FAM178B: variants seen among roughly 807,000 people sequenced by gnomAD.
The protein encoded by FAM178B is protein FAM178B.
FAM178B carries 82 observed loss-of-function variants against 91.7 expected under a neutral mutation model. The ratio of observed to expected loss-of-function variants is 0.89; its 90% CI spans 0.75 to 1.07. The LOEUF is 1.07. Ranked by LOEUF, FAM178B falls within the 50% of genes least tolerant of loss-of-function variation. The probability of loss-of-function intolerance (pLI) is 0.00; values close to 1 mark genes in which losing one functional copy is unlikely to be tolerated. For synonymous variants in FAM178B, 368 were observed against 359.4 expected, an observed-to-expected ratio of 1.02 and a Z score of -0.27; for missense variants, 769 against 846.7, an observed-to-expected ratio of 0.91 and a Z score of 1.14.
intron 14 of FAM178B, among the ~76,000 whole-genome samples, chr2:96,880,186 A>C (rs576459294): frequency 1.3e-5 from 2 of 152,336 alleles, no homozygotes; most frequent in South Asian, 2.1e-4. Context: ...TACAACTTAG[A>C]GGCTTCAGGA....
At chr2:96,949,274 T>A (rs939548227) in intron 7 of FAM178B, among the ~76,000 whole-genome samples, 7 of 152,050 alleles carry the variant, frequency 4.6e-5, no homozygotes, top group Admixed American at 4.6e-4. Context: ...TCTGCCCCCC[T>A]CACCCACGCC....
At chr2:96,908,842 G>A (rs534285580) in intron 12 of FAM178B, among the ~76,000 whole-genome samples, 1 of 151,930 alleles carries the variant, frequency 6.6e-6, no homozygotes, top group South Asian at 2.1e-4. Flanking sequence ...AGAACCTCAG[G>A]CTTAGAAAAC....
chr2:96,926,621 TC>T (rs2081443731), intron 9 of FAM178B, among the ~76,000 whole-genome samples: 1 of 151,100 alleles, frequency 6.6e-6, no homozygotes, highest in Admixed American at 6.6e-5. Flanking sequence ...TGAAATGTCC[TC>T]CTGTTTCCCC....
At chr2:96,888,093 G>T (rs1341727306) in intron 14 of FAM178B, among the ~76,000 whole-genome samples, 2 of 152,270 alleles carry the variant, frequency 1.3e-5, no homozygotes, top group Non-Finnish European at 2.9e-5. Context: ...GGGATGCCCA[G>T]AAGTACTGGC....
intron 14 of FAM178B, among the ~76,000 whole-genome samples, chr2:96,892,247 T>C (rs949362838): frequency 3.3e-5 from 5 of 152,106 alleles, no homozygotes; most frequent in African/African-American, 1.2e-4. Context: ...CACACTTCTG[T>C]GCCCATGTAC....
Position 96,947,896 on chromosome 2 carries a change from T to C in FAM178B, c.1000A>G (p.Thr334Ala). 1 of 1,533,318 alleles carries C rather than the reference T, an allele frequency of 6.5e-7. No individual in the cohort carries two copies. Among genetic ancestry groups the C allele is most frequent in the Non-Finnish European group, 8.8e-7 (1 of 1,132,802 alleles). The allele number at this position is 1,533,318 out of a possible 1,614,324, so 95.0% of individuals were successfully genotyped here. The change falls in exon 8 of 17, where the codon ACA becomes GCA. Residue 334 changes from threonine to alanine, a missense_variant. Physicochemically the swap from Thr to Ala is moderately conservative, Grantham distance 58. Coordinates refer to ENST00000490605, the MANE Select transcript of FAM178B (RefSeq NM_001122646.3). ...SLLQWLFQLL[T>A]WPPETSLGAF... ...CCCAAAGATGTTTCTGGAGGCCATG[T>C]CAGCAGCTAGGTGGAAAAAAAAAAC...
intron 16 of FAM178B, chr2:96,877,654 C>T (rs1036487828): frequency 4.6e-5 from 24 of 521,336 alleles, no homozygotes; most frequent in South Asian, 1.5e-4. Flanking sequence ...CTCAGTCTCC[C>T]AAAGTGCTGG....
At chr2:96,884,820 T>C (rs1286391618) in intron 14 of FAM178B, among the ~76,000 whole-genome samples, 1 of 152,132 alleles carries the variant, frequency 6.6e-6, no homozygotes, top group East Asian at 1.9e-4. Context: ...CAGAGGGCGG[T>C]ATCGAAAGCT....
Position 96,947,067 on chromosome 2 carries a change from G to A in FAM178B, c.1078+751C>T, listed in dbSNP as rs540963047. Among the ~76,000 whole-genome samples the A allele has an allele frequency of 2.0e-5, 3 of 152,290 alleles. No homozygotes were observed. In the South Asian group the frequency reaches 6.2e-4, roughly 32 times the overall value. On this transcript the variant is annotated intron_variant, in intron 8 of 16. Transcript: ENST00000490605. ...AGCAGCCTACAGCTGGGGCAGAGGCGGGGTCTGACCACCTGGGAGTCCCTC... is the reference window on the plus strand; with the variant it reads ...AGCAGCCTACAGCTGGGGCAGAGGCAGGGTCTGACCACCTGGGAGTCCCTC...
chr2:96,939,866 C>T lies in FAM178B; in HGVS notation c.1078+7952G>A, dbSNP rs574147350. On this transcript the variant is annotated intron_variant, in intron 8 of 16. Coordinates refer to ENST00000490605, the MANE Select transcript of FAM178B (RefSeq NM_001122646.3). ...CAAGCCCTGGGCTTGGTGCCTAGCA[C>T]AAATTAAGCTCTCTGGAAATGTCAC... Among the ~76,000 whole-genome samples the T allele has an allele frequency of 2.6e-5, 4 of 152,192 alleles. No individual in the cohort carries two copies. The East Asian group carries it at 7.7e-4, about 29-fold the overall frequency.
chr2:96,970,966 C>T (rs1051290768), intron 3 of FAM178B, among the ~76,000 whole-genome samples, 189 bp from the exon 4 acceptor site: 1 of 151,952 alleles, frequency 6.6e-6, no homozygotes, highest in South Asian at 2.1e-4. Context: ...CCCATCCCCA[C>T]CCCCAGCCAC....
Position 96,972,022 on chromosome 2 carries a change from C to T in FAM178B, c.443G>A (p.Gly148Asp). The change falls in exon 3 of 17, where the codon GGT becomes GAT. Residue 148 changes from glycine (G) to aspartate (D), a missense_variant. Coordinates refer to ENST00000490605, the MANE Select transcript of FAM178B (RefSeq NM_001122646.3). ...CTGCTCCAACTCCTCGGGCAGCTCA[C>T]CAGCCAGTCTCCTCAGGCCCTGGGG... ...VGPQGLRRLA[G>D]ELPEELEQEH... The T allele has an allele frequency of 6.4e-7, 1 of 1,553,802 alleles. No homozygotes were observed. The highest frequency in any genetic ancestry group is 8.7e-7 in the Non-Finnish European group (1 of 1,148,714).
intron 14 of FAM178B, among the ~76,000 whole-genome samples, chr2:96,888,790 C>T (rs2080590945): frequency 1.3e-5 from 2 of 152,240 alleles, no homozygotes; most frequent in Admixed American, 6.5e-5. Flanking sequence ...CTCTGCAGAA[C>T]ATGAGCAGAG....
intron 12 of FAM178B, among the ~76,000 whole-genome samples, chr2:96,906,694 C>T (rs565317471): frequency 3.3e-5 from 5 of 152,330 alleles, no homozygotes; most frequent in South Asian, 2.1e-4. Context: ...CAGGCCACCC[C>T]GTGGCCCCAC....
intron 5 of FAM178B, among the ~76,000 whole-genome samples, chr2:96,966,616 C>T (rs1315777443): frequency 6.6e-6 from 1 of 152,188 alleles, no homozygotes; most frequent in African/African-American, 2.4e-5. Context: ...TGGATGGACA[C>T]ATGGACAAAT....
intron 4 of FAM178B, among the ~76,000 whole-genome samples, chr2:96,969,596 G>GC (rs2082189951): frequency 1.3e-5 from 2 of 152,194 alleles, no homozygotes; most frequent in African/African-American, 4.8e-5. Context: ...TCACGAGGAG[G>GC]CCCCAGCTGC....
intron 12 of FAM178B, among the ~76,000 whole-genome samples, chr2:96,909,321 G>A (rs1261639801): frequency 6.6e-6 from 1 of 152,094 alleles, no homozygotes. Context: ...ACTAACCAAA[G>A]GAAATCGTTC....
intron 4 of FAM178B, among the ~76,000 whole-genome samples, chr2:96,968,509 A>C (rs1166850772): frequency 6.6e-6 from 1 of 151,916 alleles, no homozygotes; most frequent in African/African-American, 2.4e-5. Context: ...ATGGGTCCTC[A>C]GTTCTCTAAC....
chr2:96,900,484 C>A (rs1230018221), intron 13 of FAM178B, among the ~76,000 whole-genome samples: 2 of 152,154 alleles, frequency 1.3e-5, no homozygotes, highest in Non-Finnish European at 2.9e-5. Context: ...ACTACGTGTT[C>A]CCTGTTCTTC....
Sources: gnomAD v4.1 joint callset for allele counts (sites outside exome capture counted in the v4.1 genomes callset) on GRCh38, gnomAD v4.1.1 for gene constraint, MANE v1.5 for transcripts, NCBI Gene and HGNC (gene_info 2026-07-23, HGNC 2026-07-21) for gene names.